Variants in DPCD observed in about 807,000 individuals in gnomAD.
The protein encoded by DPCD is protein DPCD.
A neutral mutation model predicts 26.4 loss-of-function variants in DPCD; 20 were observed. That is an observed-to-expected ratio of 0.76 (90% CI 0.53 to 1.10). DPCD has a LOEUF of 1.10. DPCD is among the 50% of genes least tolerant of loss of function. DPCD has a pLI of 0.00. For missense variants in DPCD, 202 were observed against 253.9 expected, an observed-to-expected ratio of 0.80 and a Z score of 1.39; for synonymous variants, 97 against 94.2, an observed-to-expected ratio of 1.03 and a Z score of -0.17.
At chr10:101,601,124 G>T (rs2063694464) in intron 3 of DPCD, 79 bp from the exon 4 acceptor site, 1 of 1,587,344 alleles carries the variant, frequency 6.3e-7, no homozygotes, top group South Asian at 1.2e-5. Flanking sequence ...GTCTTGTTGT[G>T]CCCCGGGGTA....
In DPCD at chr10:101,603,298, G is replaced by T. The variant is rs1211056723; in HGVS notation, c.404+1962G>T. Reference sequence around the variant, plus strand: ...TGGCATTTTTACCTTCTACCTGGAAGAATGTATTTTATACCTTTACTCCCA... The same window carrying T: ...TGGCATTTTTACCTTCTACCTGGAATAATGTATTTTATACCTTTACTCCCA... On this transcript the variant is annotated intron_variant, in intron 4 of 5. Coordinates refer to ENST00000370151, the MANE Select transcript of DPCD (RefSeq NM_015448.3). This position sits in a 1 kb window ranked among gnomAD's most constrained non-coding sequence, Gnocchi z 4.6. Among the ~76,000 whole-genome samples the T allele has an allele frequency of 6.6e-6, 1 of 152,200 alleles. No individual in the cohort carries two copies. The highest frequency in any genetic ancestry group is 1.5e-5 in the Non-Finnish European group (1 of 68,036).
chr10:101,595,789 T>G (rs1204413291), intron 2 of DPCD, among the ~76,000 whole-genome samples: 1 of 152,188 alleles, frequency 6.6e-6, no homozygotes, highest in Admixed American at 6.5e-5. Flanking sequence ...CTTGATGTGT[T>G]TAGCATATGA....
rs569414106 is a variant in DPCD at position 101,609,301 on chromosome 10, C to G, written c.508-66C>G. The stretch of plus-strand genomic sequence containing the variant: ...AGGGGATCAGAAGGAGAAGGGGCCC[C>G]AAGTGTGTGTGGAAGGAGATGGGAC... On this transcript the variant is annotated intron_variant, in intron 5 of 5. Transcript: ENST00000370151. 7 of 1,535,660 alleles carry G rather than the reference C, an allele frequency of 4.6e-6. No individual in the cohort carries two copies. The South Asian group carries it at 5.8e-5, about 13-fold the overall frequency.
Position 101,590,812 on chromosome 10 carries a change from C to G in DPCD, c.64+2412C>G, listed in dbSNP as rs778399713. ...TCCTCCTCCCATCCCCTGGCAACCA[C>G]CATTCTACTTTCTGTCTATGAATTT... On this transcript the variant is annotated intron_variant, in intron 1 of 5. Transcript: ENST00000370151. 1.2e-4 allele frequency among the ~76,000 whole-genome samples: 19 copies of G among 152,284 alleles called. No homozygotes were observed. In the South Asian group the frequency reaches 2.9e-3, roughly 23 times the overall value.
At position 101,608,938 on chromosome 10, in the gene DPCD, G is replaced by A; in HGVS notation, c.507+1G>A. The A allele has an allele frequency of 6.2e-7, 1 of 1,610,642 alleles. No homozygotes were observed. ...CGCCAACTGCACCCTGATCATCTCT[G>A]TAAGATTCACCCAGACTTCTTGGAC... On this transcript the variant is annotated splice_donor_variant, in intron 5 of 5. Transcript: ENST00000370151. LOFTEE classifies it high-confidence loss of function.
At chr10:101,606,938 A>G (rs2063736881) in intron 4 of DPCD, among the ~76,000 whole-genome samples, 1 of 152,154 alleles carries the variant, frequency 6.6e-6, no homozygotes, top group African/African-American at 2.4e-5. Context: ...AACTAAATCT[A>G]TTACAAGAGA....
In DPCD at chr10:101,595,968, T is replaced by C. The variant is rs1035151888; in HGVS notation, c.145+1230T>C. On this transcript the variant is annotated intron_variant, in intron 2 of 5. Transcript: ENST00000370151. ...AACCAGGCCAGAGAATAGCCGCAGCTCCTCACTCCCAGCCCCCCGTGCCAC... is the reference window on the plus strand; with the variant it reads ...AACCAGGCCAGAGAATAGCCGCAGCCCCTCACTCCCAGCCCCCCGTGCCAC... 4.6e-5 allele frequency among the ~76,000 whole-genome samples: 7 copies of C among 152,220 alleles called. 1 individual carries two copies. The Middle Eastern group carries it at 0.01, about 222-fold the overall frequency.
At chr10:101,594,554 C>T in intron 1 of DPCD, 104 bp from the exon 2 acceptor site, 1 of 1,153,728 alleles carries the variant, frequency 8.7e-7, no homozygotes, top group Non-Finnish European at 1.3e-6. Context: ...CTGGGTTCCT[C>T]AGTACTCCCA....
intron 4 of DPCD, among the ~76,000 whole-genome samples, chr10:101,605,853 G>C (rs2063730034): frequency 1.3e-5 from 2 of 152,188 alleles, no homozygotes; most frequent in South Asian, 4.1e-4. Flanking sequence ...TTTAATACGG[G>C]CTTCTCTGTT....
intron 4 of DPCD, among the ~76,000 whole-genome samples, chr10:101,601,816 C>CT (rs1263636271): frequency 6.6e-6 from 1 of 152,068 alleles, no homozygotes; most frequent in Non-Finnish European, 1.5e-5. Context: ...TTAAAGCAGA[C>CT]TGGGCAGCAG....
In DPCD at chr10:101,600,804, C is replaced by T; in HGVS notation, c.212C>T (p.Pro71Leu). ...CAGTGGCAGCTTGAAGTAGGAGACC[C>T]AGCGCCCCTAGGAGCAGGGAACCTG... is the stretch of plus-strand genomic sequence containing the variant. ...MGQWQLEVGD[P>L]APLGAGNLGP... Residue 71 changes from proline to leucine, a missense_variant, in exon 3 of 6, where the codon CCA becomes CTA. This residue lies in a region of DPCD where 37 missense variants were observed against 76.0 expected (regional missense o/e 0.49). Transcript: ENST00000370151. This position sits in a 1 kb window ranked among gnomAD's most constrained non-coding sequence, Gnocchi z 4.7. 6.2e-7 allele frequency: 1 copy of T among 1,613,952 alleles called. No homozygotes were observed. Among genetic ancestry groups the T allele is most frequent in the Non-Finnish European group, 8.5e-7 (1 of 1,179,984 alleles).
chr10:101,607,991 G>A (rs1175132525), intron 4 of DPCD, among the ~76,000 whole-genome samples: 1 of 152,180 alleles, frequency 6.6e-6, no homozygotes, highest in Non-Finnish European at 1.5e-5. Flanking sequence ...CGTGAAACAA[G>A]GCAAGATATT....
chr10:101,596,404 T>C (rs1305576388), intron 2 of DPCD, among the ~76,000 whole-genome samples: 1 of 152,186 alleles, frequency 6.6e-6, no homozygotes, highest in Admixed American at 6.5e-5. Flanking sequence ...CATTTTACAT[T>C]TGGAAAAAAT....
chr10:101,607,019 G>A (rs1223103578), intron 4 of DPCD, among the ~76,000 whole-genome samples: 2 of 152,136 alleles, frequency 1.3e-5, no homozygotes, highest in Non-Finnish European at 2.9e-5. Flanking sequence ...GTAGTTCAAG[G>A]AAAGCAGGTG....
chr10:101,604,330 G>GA (rs1381951339), intron 4 of DPCD, among the ~76,000 whole-genome samples: 2 of 152,196 alleles, frequency 1.3e-5, no homozygotes, highest in African/African-American at 4.8e-5. Flanking sequence ...CTGCACTTCA[G>GA]AAATGCACAT....
chr10:101,597,184 C>T (rs887813345), intron 2 of DPCD, among the ~76,000 whole-genome samples: 1 of 152,204 alleles, frequency 6.6e-6, no homozygotes, highest in Non-Finnish European at 1.5e-5. Flanking sequence ...TTCGGATTAC[C>T]GACTTAATCT....
rs536733794 is a variant in DPCD, at chr10:101,588,679, C to T, written c.64+279C>T. On this transcript the variant is annotated intron_variant, in intron 1 of 5. Transcript: ENST00000370151. ...TTTACATTCATTATCTCATTTGCTC[C>T]TCACCACTGTCCTGAGAGGCTAATT... The T allele has an allele frequency of 1.1e-5, 13 of 1,235,956 alleles. No individual in the cohort carries two copies. In the East Asian group the frequency reaches 2.0e-4, roughly 19 times the overall value. The allele number at this position is 1,235,956 out of a possible 1,614,324, so 76.6% of individuals were successfully genotyped here.
At chr10:101,604,323 C>T (rs911493431) in intron 4 of DPCD, among the ~76,000 whole-genome samples, 28 of 152,354 alleles carry the variant, frequency 1.8e-4, no homozygotes, top group Admixed American at 5.2e-4. Context: ...CAGACATCTG[C>T]ACTTCAGAAA....
chr10:101,588,454 C>G (rs1023341729), intron 1 of DPCD, 54 bp downstream of exon 1: 2 of 1,551,816 alleles, frequency 1.3e-6, no homozygotes, highest in Non-Finnish European at 1.7e-6. Flanking sequence ...GGGTCCGGCC[C>G]TCCGGGAAGG....
Sources: gnomAD v4.1 joint callset for allele counts (sites outside exome capture counted in the v4.1 genomes callset) on GRCh38, gnomAD v4.1.1 for gene constraint, gnomAD v4.1.1 regional missense constraint, Gnocchi (gnomAD v3.1) non-coding constraint, MANE v1.5 for transcripts, NCBI Gene and HGNC (gene_info 2026-07-23, HGNC 2026-07-21) for gene names.